Variants in INPP5D observed in about 807,000 individuals in gnomAD.
The protein encoded by INPP5D is phosphatidylinositol 3,4,5-trisphosphate 5-phosphatase 1.
Under a neutral mutation model 122.9 loss-of-function variants are expected in INPP5D, and 33 were observed. That is an observed-to-expected ratio of 0.27 (90% confidence interval 0.20 to 0.36). The LOEUF is 0.36. INPP5D is among the 10% of genes least tolerant of loss of function. INPP5D has a pLI of 1.00. For synonymous variants in INPP5D, 584 were observed against 576.2 expected, an observed-to-expected ratio of 1.01 and a Z score of -0.19; for missense variants, 1,053 against 1,412.7, an observed-to-expected ratio of 0.75 and a Z score of 4.08.
At chr2:233,175,433 A>G (rs1413454480) in intron 17 of INPP5D, among the ~76,000 whole-genome samples, 1 of 152,076 alleles carries the variant, frequency 6.6e-6, no homozygotes, top group Non-Finnish European at 1.5e-5. Flanking sequence ...AAATTAATCA[A>G]TGGAGATGTT....
At chr2:233,140,712 TA>T (rs1693615099) in intron 6 of INPP5D, 1 of 152,222 alleles carries the variant, frequency 6.6e-6, no homozygotes, top group Admixed American at 6.5e-5. Context: ...AGTCTCCTTT[TA>T]AAATTTTTTG....
chr2:233,162,585 G>C (rs1694225180), intron 11 of INPP5D, among the ~76,000 whole-genome samples: 1 of 151,962 alleles, frequency 6.6e-6, no homozygotes, highest in Non-Finnish European at 1.5e-5. Flanking sequence ...TAAGTGTTCA[G>C]GTAGAAATAA....
chr2:233,104,006 CTTTTTTTTT>C (rs5839471), intron 2 of INPP5D, among the ~76,000 whole-genome samples: 111 of 81,832 alleles, frequency 1.4e-3, no homozygotes, highest in African/African-American at 6.5e-3. Flanking sequence ...TGTGCCCTGC[CTTTTTTTTT>C]TTTTTTTTTT....
chr2:233,155,645 A>C (rs1694031220), intron 9 of INPP5D, among the ~76,000 whole-genome samples: 1 of 9,284 alleles, frequency 1.1e-4, no homozygotes, highest in Non-Finnish European at 4.4e-4. Context: ...TAAATAAATA[A>C]ATAAATAAAT....
At chr2:233,175,686 G>T (rs1427841295) in intron 17 of INPP5D, among the ~76,000 whole-genome samples, 14 of 144,290 alleles carry the variant, frequency 9.7e-5, no homozygotes, top group Admixed American at 5.5e-4. Context: ...AAAAACTTTT[G>T]TTTTTTTTTT....
At chr2:233,120,669 T>C (rs1692943254) in intron 2 of INPP5D, 1 of 152,296 alleles carries the variant, frequency 6.6e-6, no homozygotes, top group Non-Finnish European at 1.5e-5. Context: ...CCCTTGCTCC[T>C]GTTCAGCTGC....
intron 6 of INPP5D, among the ~76,000 whole-genome samples, chr2:233,143,870 T>C (rs1427389694): frequency 7.5e-6 from 1 of 132,672 alleles, no homozygotes; most frequent in African/African-American, 2.9e-5. Flanking sequence ...ATGGGAGTGA[T>C]AGGGGAGGAG....
intron 1 of INPP5D, among the ~76,000 whole-genome samples, chr2:233,066,487 A>G (rs1470992100): frequency 1.3e-5 from 2 of 152,204 alleles, no homozygotes; most frequent in African/African-American, 4.8e-5. Flanking sequence ...TTCCTGTGTC[A>G]ACCCAGCATC....
At chr2:233,126,331 T>C (rs1693156854) in intron 4 of INPP5D, among the ~76,000 whole-genome samples, 1 of 152,214 alleles carries the variant, frequency 6.6e-6, no homozygotes, top group Non-Finnish European at 1.5e-5. Flanking sequence ...TGAAGCCGCA[T>C]TTCCAACTTG....
At chr2:233,060,643 A>G (rs1254205512) in intron 1 of INPP5D, 31 bp downstream of exon 1, 3 of 1,611,618 alleles carry the variant, frequency 1.9e-6, no homozygotes, top group Non-Finnish European at 2.5e-6. Flanking sequence ...CCCCGGGCAC[A>G]GATATGACAG....
At chr2:233,143,239 A>C (rs1693666466) in intron 6 of INPP5D, among the ~76,000 whole-genome samples, 1 of 152,166 alleles carries the variant, frequency 6.6e-6, no homozygotes, top group Non-Finnish European at 1.5e-5. Flanking sequence ...CATTTTTCTA[A>C]TACTTTTTCT....
At chr2:233,118,992 C>A (rs1692887026) in intron 2 of INPP5D, among the ~76,000 whole-genome samples, 1 of 152,252 alleles carries the variant, frequency 6.6e-6, no homozygotes, top group African/African-American at 2.4e-5. Flanking sequence ...CTTTAAATTG[C>A]TCTGTTCCTA....
rs181242219 is a variant in INPP5D at position 233,125,882 on chromosome 2, A to C, written c.487A>C (p.Thr163Pro). The change falls in exon 4 of 27, where the codon ACA (threonine) becomes CCA (proline). Residue 163 changes from threonine to proline, a missense_variant. Physicochemically the swap from Thr to Pro is conservative, Grantham distance 38. Transcript: ENST00000445964. ...TETSRPSLSE[T>P]LFQRLQSMDT... ...GACCAGCCGGCCGAGCCTCTCCGAG[A>C]CATTGTTCCAGCGACTGCAAAGCAT... 3.8e-3 allele frequency: 6,212 copies of C among 1,613,812 alleles called. 27 individuals are homozygous for C. Among genetic ancestry groups the C allele is most frequent in the Non-Finnish European group, 4.3e-3 (5,111 of 1,179,856 alleles).
In INPP5D at chr2:233,197,508, T is replaced by C. The variant is rs1695215082; in HGVS notation, c.2694-587T>C. ...TCTCTGCCCTGCCAGCCTTGCCAGC[T>C]TCTCATTCCATCCTCTGCACCTGCT... On this transcript the variant is annotated intron_variant, in intron 24 of 26. Transcript: ENST00000445964. The surrounding 1 kb of genome is among the most constrained non-coding windows in gnomAD (Gnocchi z 4.4). Among the ~76,000 whole-genome samples, 1 of 152,010 alleles carries C rather than the reference T, an allele frequency of 6.6e-6. No individual in the cohort carries two copies. Among genetic ancestry groups the C allele is most frequent in the African/African-American group, 2.4e-5 (1 of 41,392 alleles).
At chr2:233,181,108 A>G (rs1030225230) in intron 18 of INPP5D, among the ~76,000 whole-genome samples, 1 of 151,528 alleles carries the variant, frequency 6.6e-6, no homozygotes, top group Non-Finnish European at 1.5e-5. Context: ...TCCACTACCA[A>G]CCAGTGCCCC....
rs556156750 is a variant in INPP5D at position 233,186,639 on chromosome 2, CA to C, written c.2358+723del. On this transcript the variant is annotated intron_variant, in intron 21 of 26. Transcript: ENST00000445964. ...AAACATAGTGACATCCCATCTCTAC[CA>C]AAAAAAAATTTTTTTTCTCTTGTTT... Among the ~76,000 whole-genome samples the C allele has an allele frequency of 6.1e-3, 861 of 140,010 alleles. 17 individuals carry two copies. The highest frequency in any genetic ancestry group is 0.021 in the African/African-American group (813 of 38,234). 91.9% of individuals were successfully genotyped at this position (140,010 alleles called of 152,430 possible).
chr2:233,136,103 A>C (rs893728161), intron 5 of INPP5D, among the ~76,000 whole-genome samples: 1 of 152,252 alleles, frequency 6.6e-6, no homozygotes, highest in African/African-American at 2.4e-5. Context: ...AAACCACTGC[A>C]TATCAGAACA....
intron 13 of INPP5D, among the ~76,000 whole-genome samples, chr2:233,168,078 AGATTT>A (rs1339132009): frequency 6.6e-6 from 1 of 151,460 alleles, no homozygotes; most frequent in African/African-American, 2.4e-5. Flanking sequence ...ATAAATAAAT[AGATTT>A]ATGATCAAAA....
chr2:233,119,058 T>C (rs1305133642), intron 2 of INPP5D, among the ~76,000 whole-genome samples: 1 of 152,248 alleles, frequency 6.6e-6, no homozygotes, highest in Non-Finnish European at 1.5e-5. Flanking sequence ...TTCACATCTC[T>C]GGAGTCACAT....
Sources: allele counts gnomAD v4.1 joint callset (sites outside exome capture counted in the v4.1 genomes callset), GRCh38; gene constraint gnomAD v4.1.1; non-coding constraint Gnocchi (gnomAD v3.1); transcripts MANE v1.5; gene names NCBI Gene and HGNC (gene_info 2026-07-23, HGNC 2026-07-21).